Variants in ANAPC7 observed in about 807,000 individuals in gnomAD.
The protein encoded by ANAPC7 is anaphase-promoting complex subunit 7.
ANAPC7 carries 25 observed loss-of-function variants against 63.3 expected under a neutral mutation model. The observed-to-expected ratio is 0.39, with a 90% CI of 0.29 to 0.55. ANAPC7 has a LOEUF of 0.55. Among genes scored for constraint, ANAPC7 ranks in the 20% least tolerant of loss-of-function variants. ANAPC7 has a pLI of 0.57. For synonymous variants in ANAPC7, 241 were observed against 251.7 expected (o/e 0.96, Z 0.40); for missense variants, 516 against 691.7 (o/e 0.75, Z 2.85).
At position 110,382,496 on chromosome 12, in the gene ANAPC7, T is replaced by A. The variant is rs559364438; in HGVS notation, c.935+347A>T. ...TATATATATATATATATATATATAT[T>A]TATAGAGACAGGGTCTTGCTACATT... On this transcript the variant is annotated intron_variant, in intron 7 of 10. Coordinates refer to ENST00000455511, the MANE Select transcript of ANAPC7 (RefSeq NM_016238.3). Among the ~76,000 whole-genome samples, 497 of 79,386 alleles carry A rather than the reference T, an allele frequency of 6.3e-3. 5 individuals carry two copies. Among genetic ancestry groups the A allele is most frequent in the African/African-American group, 0.014 (297 of 20,722 alleles). The allele number at this position is 79,386 out of a possible 152,430, so 52.1% of individuals were successfully genotyped here.
intron 6 of ANAPC7, 104 bp downstream of exon 6, chr12:110,386,223 T>C: frequency 6.6e-7 from 1 of 1,514,632 alleles, no homozygotes; most frequent in Non-Finnish European, 9.0e-7. Flanking sequence ...TTATACACCA[T>C]TTCTATGAAA....
chr12:110,377,687 G>A (rs770381068), intron 8 of ANAPC7, 70 bp from the exon 9 acceptor site: 3 of 1,599,710 alleles, frequency 1.9e-6, no homozygotes, highest in Non-Finnish European at 1.7e-6. Flanking sequence ...CACTCTGACA[G>A]CTCTCCAAAT....
chr12:110,398,898 T>C (rs1592931063), intron 1 of ANAPC7, among the ~76,000 whole-genome samples: 1 of 151,694 alleles, frequency 6.6e-6, no homozygotes, highest in Admixed American at 6.6e-5. Flanking sequence ...TGAGCCAAGA[T>C]AGTGTGCCAT....
Position 110,374,145 on chromosome 12 carries a change from C to A in ANAPC7, c.1697G>T (p.Ter566LeuextTer20), listed in dbSNP as rs1157141324. 6.2e-7 allele frequency: 1 copy of A among 1,608,140 alleles called. No homozygotes were observed. Among genetic ancestry groups the A allele is most frequent in the Non-Finnish European group, 8.5e-7 (1 of 1,178,110 alleles). ...ADQEQWFGMQ[*>L] The stretch of plus-strand genomic sequence containing the variant: ...TGCGGCCATGGAGCTGCCGCCCCCT[C>A]ACTGCATGCCGAACCACTGCTCCTG... Residue 566 changes from the stop codon to leucine (L), a stop_lost, in exon 11 of 11, where the codon TGA becomes TTA. Transcript: ENST00000455511.
intron 3 of ANAPC7, among the ~76,000 whole-genome samples, chr12:110,391,979 C>A (rs1451653538): frequency 6.6e-6 from 1 of 150,780 alleles, no homozygotes; most frequent in Non-Finnish European, 1.5e-5. Flanking sequence ...GTAGTCCCAG[C>A]TACTCGGGAG....
chr12:110,374,155 C>T lies in ANAPC7; in HGVS notation c.1687G>A (p.Gly563Ser), dbSNP rs773742168. Residue 563 changes from glycine (G) to serine (S), a missense_variant, in exon 11 of 11, where the codon GGC becomes AGC. Gly to Ser is a moderately conservative substitution (Grantham distance 56). Around this residue, in one of 4 missense-constraint regions of ANAPC7, gnomAD observed 122 missense variants for 212.0 expected, o/e 0.58. Coordinates refer to ENST00000455511, the MANE Select transcript of ANAPC7 (RefSeq NM_016238.3). ...GAGCTGCCGCCCCCTCACTGCATGCCGAACCACTGCTCCTGGTCAGCCCAC... is the reference window on the plus strand; with the variant it reads ...GAGCTGCCGCCCCCTCACTGCATGCTGAACCACTGCTCCTGGTCAGCCCAC... ...AQWADQEQWF[G>S]MQ 8.1e-6 allele frequency: 13 copies of T among 1,611,116 alleles called. No homozygotes were observed. Among genetic ancestry groups the T allele is most frequent in the East Asian group, 4.5e-5 (2 of 44,874 alleles).
At chr12:110,391,060 C>A (rs1260307276) in intron 3 of ANAPC7, among the ~76,000 whole-genome samples, 1 of 151,990 alleles carries the variant, frequency 6.6e-6, no homozygotes, top group African/African-American at 2.4e-5. Flanking sequence ...TGCAGCGGTA[C>A]GCGCCTGTAG....
At position 110,381,972 on chromosome 12, in the gene ANAPC7, A is replaced by AAAC; in HGVS notation, c.936-25_936-24insGTT. On this transcript the variant is annotated intron_variant, in intron 7 of 10. Coordinates refer to ENST00000455511, the MANE Select transcript of ANAPC7 (RefSeq NM_016238.3). ...AGCTGGAGAAAAAAAAAAAAAAAAA[A>AAAC]ACACAAAAACCCCAGAAGTTATCCA... 4.1e-6 allele frequency: 6 copies of AAAC among 1,471,982 alleles called. No homozygotes were observed. In the African/African-American group the frequency reaches 5.8e-5, roughly 14 times the overall value. The allele number at this position is 1,471,982 out of a possible 1,614,324, so 91.2% of individuals were successfully genotyped here. A position where few individuals can be genotyped will look rare whatever the true frequency, so the allele number is the denominator to read the frequency against.
In ANAPC7 at chr12:110,388,454, G is replaced by A. The variant is rs1426922969; in HGVS notation, c.520+58C>T. 1.3e-5 allele frequency: 17 copies of A among 1,346,646 alleles called. No individual in the cohort carries two copies. The African/African-American group carries it at 1.4e-4, about 11-fold the overall frequency. 83.4% of individuals were successfully genotyped at this position (1,346,646 alleles called of 1,614,324 possible). A position where few individuals can be genotyped will look rare whatever the true frequency, so the allele number is the denominator to read the frequency against. On this transcript the variant is annotated intron_variant, in intron 4 of 10. Transcript: ENST00000455511. ...GTTATTCTAATGTACAGGCAAGATT[G>A]AGAACTACTATCTTTGACAGTAAAC... is the stretch of plus-strand genomic sequence containing the variant.
chr12:110,388,330 C>T (rs61942587), intron 4 of ANAPC7, among the ~76,000 whole-genome samples, 182 bp downstream of exon 4: 3 of 152,150 alleles, frequency 2.0e-5, no homozygotes, highest in African/African-American at 7.2e-5. Context: ...AGCCACCATG[C>T]CCGGCCAAAA....
intron 1 of ANAPC7, among the ~76,000 whole-genome samples, chr12:110,397,993 C>A (rs572177548): frequency 6.6e-6 from 1 of 152,264 alleles, no homozygotes; most frequent in Non-Finnish European, 1.5e-5. Flanking sequence ...CACCTGTAAT[C>A]CGAGCACTTT....
intron 8 of ANAPC7, chr12:110,378,010 C>T (rs1881447097): frequency 4.0e-6 from 1 of 251,276 alleles, no homozygotes; most frequent in South Asian, 7.1e-5. Flanking sequence ...GGTTTTGCTG[C>T]CTCTTAACAA....
chr12:110,400,247 A>G (rs946573212), intron 1 of ANAPC7, among the ~76,000 whole-genome samples: 2 of 152,228 alleles, frequency 1.3e-5, no homozygotes, highest in Non-Finnish European at 2.9e-5. Context: ...AGATATGCAT[A>G]TAAGATACAT....
chr12:110,383,612 G>A (rs1385034140), intron 6 of ANAPC7, among the ~76,000 whole-genome samples: 1 of 152,034 alleles, frequency 6.6e-6, no homozygotes. Context: ...GCCAGGTGCA[G>A]TGGTTCATGC....
chr12:110,393,281 G>A (rs1883260086), intron 3 of ANAPC7, among the ~76,000 whole-genome samples: 1 of 152,072 alleles, frequency 6.6e-6, no homozygotes, highest in Non-Finnish European at 1.5e-5. Flanking sequence ...AAAAAATGAA[G>A]TTCTAAAAAA....
At chr12:110,402,538 G>T (rs574354949) in intron 1 of ANAPC7, among the ~76,000 whole-genome samples, 2 of 151,810 alleles carry the variant, frequency 1.3e-5, no homozygotes, top group East Asian at 3.9e-4. Context: ...GTTACACTGT[G>T]TTAGCCAGGA....
rs141147170 is a variant in ANAPC7 at position 110,403,632 on chromosome 12, C to T, written c.-5G>A. ...CACGTGGTCTATCACATTCATCCTGCTCTGCAAAGCCGCGGGCAGCGGCGG... is the reference window on the plus strand; with the variant it reads ...CACGTGGTCTATCACATTCATCCTGTTCTGCAAAGCCGCGGGCAGCGGCGG... On this transcript the variant is annotated 5_prime_UTR_variant, in exon 1 of 11. Coordinates refer to ENST00000455511, the MANE Select transcript of ANAPC7 (RefSeq NM_016238.3). 0.031 allele frequency: 49,700 copies of T among 1,596,700 alleles called. 973 individuals are homozygous for T. The highest frequency in any genetic ancestry group is 0.082 in the Middle Eastern group (493 of 6,044).
At chr12:110,396,927 G>A in intron 1 of ANAPC7, among the ~76,000 whole-genome samples, 1 of 152,130 alleles carries the variant, frequency 6.6e-6, no homozygotes, top group Admixed American at 6.6e-5. Flanking sequence ...GCACAGGCTG[G>A]GTGCGGTGGC....
chr12:110,376,544 G>C (rs966666326), intron 9 of ANAPC7, among the ~76,000 whole-genome samples: 2 of 118,310 alleles, frequency 1.7e-5, no homozygotes, highest in African/African-American at 7.2e-5. Context: ...ACTCCAGTCT[G>C]GGCAACAGAG....
Sources: gnomAD v4.1 joint callset for allele counts (sites outside exome capture counted in the v4.1 genomes callset) on GRCh38, gnomAD v4.1.1 for gene constraint, gnomAD v4.1.1 regional missense constraint, MANE v1.5 for transcripts, NCBI Gene and HGNC (gene_info 2026-07-23, HGNC 2026-07-21) for gene names.